Variants in PITHD1 observed in about 807,000 individuals in gnomAD.
The protein encoded by PITHD1 is PITH domain-containing protein 1.
PITHD1 carries 8 observed loss-of-function variants against 27.5 expected under a neutral mutation model. The observed-to-expected ratio is 0.29, with a 90% confidence interval of 0.17 to 0.52. PITHD1 has a LOEUF of 0.52. Among genes scored for constraint, PITHD1 ranks in the 20% least tolerant of loss-of-function variants. The pLI is 0.96. For missense variants in PITHD1, 233 were observed against 283.9 expected (o/e 0.82, Z 1.29); for synonymous variants, 118 against 106.8 (o/e 1.10, Z -0.64).
Position 23,787,508 on chromosome 1 carries a change from T to G in PITHD1, c.*132T>G. 1 of 583,880 alleles carries G rather than the reference T, an allele frequency of 1.7e-6. No homozygotes were observed. Among genetic ancestry groups the G allele is most frequent in the South Asian group, 2.1e-5 (1 of 46,820 alleles). 36.2% of individuals were successfully genotyped at this position (583,880 alleles called of 1,614,324 possible). Reference sequence around the variant, plus strand: ...TCTGCCAAGCTTTGTCTTTGGGGCTTGCTGCAGAAACCTGGCCTACGGAAG... The same window carrying G: ...TCTGCCAAGCTTTGTCTTTGGGGCTGGCTGCAGAAACCTGGCCTACGGAAG... On this transcript the variant is annotated 3_prime_UTR_variant, in exon 6 of 6. Coordinates refer to ENST00000246151, the MANE Select transcript of PITHD1 (RefSeq NM_020362.5).
chr1:23,778,712 A>G lies in PITHD1; in HGVS notation c.197A>G (p.Lys66Arg), dbSNP rs1638548481. Reference protein sequence around the residue: ...KPWEERTDRSKFVESDADEEL... With the variant: ...KPWEERTDRSRFVESDADEEL... ...TGGGAGGAGCGGACCGACCGCTCCAAGGTGGGCCGCCTGGGGCTTGGGGCG... is the reference window on the plus strand; with the variant it reads ...TGGGAGGAGCGGACCGACCGCTCCAGGGTGGGCCGCCTGGGGCTTGGGGCG... The change falls in exon 1 of 6, where the codon AAG becomes AGG. Residue 66 changes from lysine to arginine, a missense_variant and splice_region_variant. Coordinates refer to ENST00000246151, the MANE Select transcript of PITHD1 (RefSeq NM_020362.5). 1 of 1,270,902 alleles carries G rather than the reference A, an allele frequency of 7.9e-7. No individual in the cohort carries two copies. The highest frequency in any genetic ancestry group is 3.2e-5 in the East Asian group (1 of 31,332). The allele number at this position is 1,270,902 out of a possible 1,614,324, so 78.7% of individuals were successfully genotyped here. A position where few individuals can be genotyped will look rare whatever the true frequency, so the allele number is the denominator to read the frequency against.
In PITHD1 at chr1:23,778,663, A is replaced by G; in HGVS notation, c.148A>G (p.Ser50Gly). The G allele has an allele frequency of 7.5e-7, 1 of 1,326,336 alleles. No individual in the cohort carries two copies. Among genetic ancestry groups the G allele is most frequent in the Non-Finnish European group, 9.6e-7 (1 of 1,039,252 alleles). The allele number at this position is 1,326,336 out of a possible 1,614,324, so 82.2% of individuals were successfully genotyped here. A position where few individuals can be genotyped will look rare whatever the true frequency, so the allele number is the denominator to read the frequency against. Reference sequence around the variant, plus strand: ...ATGCCTTAACGAGAGCCGCGAGGGCAGCGGCCGCGGCGTCTTCAAGCCGTG... The same window carrying G: ...ATGCCTTAACGAGAGCCGCGAGGGCGGCGGCCGCGGCGTCTTCAAGCCGTG... ...LQCLNESREG[S>G]GRGVFKPWEE... The change falls in exon 1 of 6, where the codon AGC becomes GGC. Residue 50 changes from serine (S) to glycine (G), a missense_variant. Transcript: ENST00000246151.
intron 4 of PITHD1, 140 bp from the exon 5 acceptor site, chr1:23,786,175 C>G (rs184631239): frequency 6.2e-5 from 34 of 549,480 alleles, no homozygotes; most frequent in Non-Finnish European, 1.0e-5. Flanking sequence ...AATTGCCTGT[C>G]CAAAGGAGAA....
rs1172903102 is a variant in PITHD1, at chr1:23,778,520, C to T, written c.5C>T (p.Ser2Leu). 5 of 1,349,466 alleles carry T rather than the reference C, an allele frequency of 3.7e-6. No individual in the cohort carries two copies. The highest frequency in any genetic ancestry group is 4.7e-6 in the Non-Finnish European group (5 of 1,057,626). The allele number at this position is 1,349,466 out of a possible 1,614,324, so 83.6% of individuals were successfully genotyped here. ...CGCGCAGGTGGCGGCGTTGCCATGT[C>T]GCACGGTCACAGCCACGGCGGGGGT... is the stretch of plus-strand genomic sequence containing the variant. M[S>L]HGHSHGGGGC... The change falls in exon 1 of 6, where the codon TCG (serine) becomes TTG (leucine). Residue 2 changes from serine (S) to leucine (L), a missense_variant. Transcript: ENST00000246151.
At chr1:23,778,905 TA>T (rs1638552651) in intron 1 of PITHD1, among the ~76,000 whole-genome samples, 192 bp downstream of exon 1, 1 of 152,162 alleles carries the variant, frequency 6.6e-6, no homozygotes, top group African/African-American at 2.4e-5. Context: ...AACTGAGGCC[TA>T]GAGGGAACGG....
chr1:23,782,772 A>G (rs1288560867), intron 3 of PITHD1, among the ~76,000 whole-genome samples: 1 of 151,490 alleles, frequency 6.6e-6, no homozygotes, highest in East Asian at 1.9e-4. Flanking sequence ...CAGCTAATTT[A>G]TGTATTTTTT....
In PITHD1 at chr1:23,787,529, G is replaced by T; in HGVS notation, c.*153G>T. The T allele has an allele frequency of 1.9e-6, 1 of 535,956 alleles. No individual in the cohort carries two copies. Among genetic ancestry groups the T allele is most frequent in the Non-Finnish European group, 3.4e-6 (1 of 296,128 alleles). The allele number at this position is 535,956 out of a possible 1,614,324, so 33.2% of individuals were successfully genotyped here. On this transcript the variant is annotated 3_prime_UTR_variant, in exon 6 of 6. Coordinates refer to ENST00000246151, the MANE Select transcript of PITHD1 (RefSeq NM_020362.5). ...GGCTTGCTGCAGAAACCTGGCCTACGGAAGATACGACACCACTGGGAGGGT... is the reference window on the plus strand; with the variant it reads ...GGCTTGCTGCAGAAACCTGGCCTACTGAAGATACGACACCACTGGGAGGGT...
chr1:23,784,234 C>CTTTTTTTTTTTTT (rs774484769), intron 3 of PITHD1, among the ~76,000 whole-genome samples: 5 of 81,438 alleles, frequency 6.1e-5, no homozygotes, highest in Admixed American at 1.8e-4. Flanking sequence ...CATTTGCTTT[C>CTTTTTTTTTTTTT]TTTTTTTTTT....
At chr1:23,781,238 G>A (rs537153077) in intron 3 of PITHD1, among the ~76,000 whole-genome samples, 17 of 152,142 alleles carry the variant, frequency 1.1e-4, no homozygotes, top group East Asian at 3.9e-4. Flanking sequence ...CGAGGCGGGC[G>A]GATCACTTGA....
chr1:23,784,294 G>A (rs1638652871), intron 3 of PITHD1, among the ~76,000 whole-genome samples: 1 of 130,622 alleles, frequency 7.7e-6, no homozygotes, highest in Non-Finnish European at 1.5e-5. Context: ...AGGCTGGAGT[G>A]CAGTGGCGCC....
chr1:23,778,923 T>C (rs1638552975), intron 1 of PITHD1, among the ~76,000 whole-genome samples: 1 of 152,052 alleles, frequency 6.6e-6, no homozygotes, highest in Non-Finnish European at 1.5e-5. Context: ...ACGGGGACAG[T>C]TTTGTCAAGC....
intron 5 of PITHD1, 21 bp from the exon 6 acceptor site, chr1:23,787,254 C>G (rs754440327): frequency 1.3e-6 from 2 of 1,587,182 alleles, no homozygotes; most frequent in East Asian, 4.5e-5. Context: ...GCTGGCTGAC[C>G]CAGCCTCAAT....
intron 3 of PITHD1, among the ~76,000 whole-genome samples, chr1:23,782,245 C>G (rs1200404166): frequency 6.6e-6 from 1 of 151,726 alleles, no homozygotes; most frequent in African/African-American, 2.4e-5. Flanking sequence ...ATGGTGAAAC[C>G]CTGTCTCTAC....
chr1:23,783,281 G>A (rs1254340251), intron 3 of PITHD1, among the ~76,000 whole-genome samples: 1 of 147,082 alleles, frequency 6.8e-6, no homozygotes, highest in Non-Finnish European at 1.5e-5. Flanking sequence ...ACAGGCACAT[G>A]TGTGTATATA....
intron 5 of PITHD1, among the ~76,000 whole-genome samples, chr1:23,786,699 CCTGCCT>C (rs1638690148): frequency 1.3e-5 from 2 of 151,176 alleles, no homozygotes; most frequent in African/African-American, 4.9e-5. Flanking sequence ...AAGTGATTCT[CCTGCCT>C]CAGCCCCCCA....
chr1:23,778,466 G>T lies in PITHD1; in HGVS notation c.-50G>T. On this transcript the variant is annotated 5_prime_UTR_variant, in exon 1 of 6. Coordinates refer to ENST00000246151, the MANE Select transcript of PITHD1 (RefSeq NM_020362.5). ...GAGCTGGTCTGAGGCGAGCCGAGCC[G>T]AGCGAGCGCGGCGGTGGGGCCGAGA... 1.6e-6 allele frequency: 2 copies of T among 1,282,886 alleles called. No homozygotes were observed. Among genetic ancestry groups the T allele is most frequent in the South Asian group, 4.1e-5 (2 of 48,770 alleles). 79.5% of individuals were successfully genotyped at this position (1,282,886 alleles called of 1,614,324 possible).
intron 3 of PITHD1, among the ~76,000 whole-genome samples, chr1:23,784,199 A>G (rs1409846587): frequency 7.2e-6 from 1 of 138,430 alleles, no homozygotes; most frequent in Non-Finnish European, 1.6e-5. Context: ...GTGGTGCATC[A>G]TTCTTAGAAA....
At chr1:23,783,145 C>G (rs924027720) in intron 3 of PITHD1, among the ~76,000 whole-genome samples, 1 of 151,198 alleles carries the variant, frequency 6.6e-6, no homozygotes, top group Non-Finnish European at 1.5e-5. Flanking sequence ...TACAGGTGCC[C>G]GCCACCATGT....
rs1013325959 is a variant in PITHD1 at position 23,785,679 on chromosome 1, A to C, written c.325A>C (p.Lys109Gln). 1 of 1,588,764 alleles carries C rather than the reference A, an allele frequency of 6.3e-7. No homozygotes were observed. The highest frequency in any genetic ancestry group is 8.6e-7 in the Non-Finnish European group (1 of 1,157,356). ...TTCTTTCCTTTCCTTTCTCAGGTAC[A>C]AGAATATTCCACAGATGTCCTTTGA... ...DSHPSEMRLY[K>Q]NIPQMSFDDT... Residue 109 changes from lysine (K) to glutamine (Q), a missense_variant, in exon 4 of 6, where the codon AAG (lysine) becomes CAG (glutamine). Transcript: ENST00000246151.
Sources: allele counts gnomAD v4.1 joint callset (sites outside exome capture counted in the v4.1 genomes callset), GRCh38; gene constraint gnomAD v4.1.1; transcripts MANE v1.5; gene names NCBI Gene and HGNC (gene_info 2026-07-23, HGNC 2026-07-21).